Variants in MARF1 observed in about 807,000 individuals in gnomAD.
The protein encoded by MARF1 is meiosis regulator and mRNA stability factor 1, also known as limkain-b1.
MARF1 carries 24 observed loss-of-function variants against 168.2 expected under a neutral mutation model. That is an observed-to-expected ratio of 0.14 (90% CI 0.10 to 0.20). The LOEUF (loss-of-function observed/expected upper bound fraction) is 0.20, where lower values mean the gene tolerates loss of function less well. Ranked by LOEUF, MARF1 falls within the 10% of genes least tolerant of loss-of-function variation. The pLI is 1.00. For synonymous variants in MARF1, 868 were observed against 822.4 expected (o/e 1.06, Z -0.95); for missense variants, 1,744 against 2,143.6 (o/e 0.81, Z 3.68).
intron 1 of MARF1, among the ~76,000 whole-genome samples, chr16:15,642,278 C>G (rs560302433): frequency 5.9e-5 from 9 of 152,158 alleles, no homozygotes; most frequent in Non-Finnish European, 1.3e-4. Flanking sequence ...TCTTTCTCCC[C>G]CATTAGGCTA....
In MARF1 at chr16:15,630,275, T is replaced by C. The variant is rs897194238; in HGVS notation, c.1524+57A>G. 3.3e-6 allele frequency: 5 copies of C among 1,523,198 alleles called. No homozygotes were observed. In the African/African-American group the frequency reaches 6.9e-5, roughly 21 times the overall value. 94.4% of individuals were successfully genotyped at this position (1,523,198 alleles called of 1,614,324 possible). ...GGCAACCCCCTTATTATGGGCTGTC[T>C]TTCAGCCTCCACAATGTAATATTGG... On this transcript the variant is annotated intron_variant, in intron 7 of 26. Coordinates refer to ENST00000396368, the MANE Select transcript of MARF1 (RefSeq NM_014647.4).
Position 15,630,517 on chromosome 16 carries a change from G to A in MARF1, c.1352-13C>T, listed in dbSNP as rs2035176248. 6.2e-7 allele frequency: 1 copy of A among 1,609,144 alleles called. No homozygotes were observed. Among genetic ancestry groups the A allele is most frequent in the African/African-American group, 1.3e-5 (1 of 74,754 alleles). ...AAATTGACATCAGCTGAAAGAAAAG[G>A]TACAGACCAACCCCATCCCCAAACA... On this transcript the variant is annotated splice_polypyrimidine_tract_variant and intron_variant, in intron 6 of 26. Coordinates refer to ENST00000396368, the MANE Select transcript of MARF1 (RefSeq NM_014647.4).
rs766319354 is a variant in MARF1 at position 15,596,794 on chromosome 16, G to C, written c.5128C>G (p.Leu1710Val). 2 of 1,614,116 alleles carry C rather than the reference G, an allele frequency of 1.2e-6. No homozygotes were observed. The highest frequency in any genetic ancestry group is 1.7e-6 in the Non-Finnish European group (2 of 1,179,960). ...CTTTCCACGGGGTCCTTGCTGAGCAGTGACTCGGAGGTTTCCGAGGAGGGG... is the reference window on the plus strand; with the variant it reads ...CTTTCCACGGGGTCCTTGCTGAGCACTGACTCGGAGGTTTCCGAGGAGGGG... ...PCPSSETSES[L>V]LSKDPVESPA... The change falls in exon 27 of 27, where the codon CTG becomes GTG. Residue 1710 changes from leucine (L) to valine (V), a missense_variant. Around this residue, in one of 7 missense-constraint regions of MARF1, gnomAD observed 313 missense variants for 337.4 expected, o/e 0.93. Coordinates refer to ENST00000396368, the MANE Select transcript of MARF1 (RefSeq NM_014647.4).
intron 12 of MARF1, chr16:15,621,444 T>G (rs754132552): frequency 8.9e-5 from 35 of 393,434 alleles, no homozygotes; most frequent in Non-Finnish European, 2.3e-5. Context: ...TTTTCAGGCT[T>G]ATAAACTTTT....
chr16:15,631,511 A>G lies in MARF1; in HGVS notation c.1234-13T>C. 1.3e-6 allele frequency: 2 copies of G among 1,570,954 alleles called. No homozygotes were observed. Among genetic ancestry groups the G allele is most frequent in the East Asian group, 2.3e-5 (1 of 44,364 alleles). On this transcript the variant is annotated splice_polypyrimidine_tract_variant and intron_variant, in intron 5 of 26. Coordinates refer to ENST00000396368, the MANE Select transcript of MARF1 (RefSeq NM_014647.4). ...GGGCAACGGTTACCTGCATTAATTT[A>G]TAATAAGGGTGAATAAGCAGGAGCT...
chr16:15,624,895 C>G lies in MARF1; in HGVS notation c.2144G>C (p.Ser715Thr). ...KENLSARSVT[S>T]SPVEKKDKEE... ...TTTATCTTTTTTCTCTACAGGAGAACTGGTAACACTTCGGGCACTGAGGTT... is the reference window on the plus strand; with the variant it reads ...TTTATCTTTTTTCTCTACAGGAGAAGTGGTAACACTTCGGGCACTGAGGTT... The change falls in exon 10 of 27, where the codon AGT becomes ACT. Residue 715 changes from serine to threonine, a missense_variant. This residue lies in a region of MARF1 where 270 missense variants were observed against 260.6 expected (regional missense o/e 1.04). Transcript: ENST00000396368. 5.0e-6 allele frequency: 8 copies of G among 1,614,168 alleles called. No homozygotes were observed. Among genetic ancestry groups the G allele is most frequent in the Non-Finnish European group, 6.8e-6 (8 of 1,180,024 alleles).
At chr16:15,614,656 G>C (rs1596465886) in intron 16 of MARF1, among the ~76,000 whole-genome samples, 3 of 151,712 alleles carry the variant, frequency 2.0e-5, no homozygotes, top group Non-Finnish European at 4.4e-5. Flanking sequence ...AGCCGGGCGT[G>C]GTGGCGGGCG....
chr16:15,616,099 T>C (rs905562793), intron 15 of MARF1, 94 bp from the exon 16 acceptor site: 4 of 1,059,402 alleles, frequency 3.8e-6, no homozygotes, highest in Non-Finnish European at 5.1e-6. Context: ...GTTTAATGTA[T>C]GTGTTAATCA....
At chr16:15,623,846 G>GCAC (rs1206520124) in intron 10 of MARF1, among the ~76,000 whole-genome samples, 1 of 151,476 alleles carries the variant, frequency 6.6e-6, no homozygotes, top group Non-Finnish European at 1.5e-5. Context: ...AGTTCTTTCT[G>GCAC]CACATAAGGA....
In MARF1 at chr16:15,633,855, T is replaced by A; in HGVS notation, c.1007-12A>T. The A allele has an allele frequency of 6.3e-7, 1 of 1,583,484 alleles. No individual in the cohort carries two copies. The highest frequency in any genetic ancestry group is 8.6e-7 in the Non-Finnish European group (1 of 1,160,318). On this transcript the variant is annotated splice_polypyrimidine_tract_variant and intron_variant, in intron 4 of 26. Coordinates refer to ENST00000396368, the MANE Select transcript of MARF1 (RefSeq NM_014647.4). ...AACTTCTGGTGACCCTTAAGAAATG[T>A]TAACATTTTCAATTACTTGTAGTGG...
intron 16 of MARF1, among the ~76,000 whole-genome samples, chr16:15,614,007 T>C (rs1257510233): frequency 1.3e-5 from 2 of 152,152 alleles, no homozygotes; most frequent in African/African-American, 2.4e-5. Context: ...GCCTTGGATA[T>C]CTGCAACTCA....
intron 20 of MARF1, 44 bp downstream of exon 20, chr16:15,609,479 T>C (rs751351223): frequency 6.6e-7 from 1 of 1,510,928 alleles, no homozygotes; most frequent in Non-Finnish European, 9.2e-7. Flanking sequence ...TTCCTATACG[T>C]TGTTCAGAAA....
At position 15,633,175 on chromosome 16, in the gene MARF1, C is replaced by CCACACACACA. The variant is rs140240605; in HGVS notation, c.1233+432_1233+441dup. Among the ~76,000 whole-genome samples the CCACACACACA allele has an allele frequency of 2.3e-3, 317 of 136,950 alleles. 3 individuals are homozygous for CCACACACACA. The highest frequency in any genetic ancestry group is 7.6e-3 in the South Asian group (32 of 4,200). 89.8% of individuals were successfully genotyped at this position (136,950 alleles called of 152,430 possible). ...CAGAATTCTAAAAAAAAAAAAAACA[C>CCACACACACA]CACACACACACACACACACACACAC... On this transcript the variant is annotated intron_variant, in intron 5 of 26. Transcript: ENST00000396368.
rs1233491618 is a variant in MARF1, at chr16:15,635,945, A to C, written c.542T>G (p.Leu181Arg). 6.2e-7 allele frequency: 1 copy of C among 1,614,168 alleles called. No individual in the cohort carries two copies. The highest frequency in any genetic ancestry group is 1.7e-5 in the Admixed American group (1 of 60,032). Residue 181 changes from leucine (L) to arginine (R), a missense_variant, in exon 3 of 27, where the codon CTA becomes CGA. Leu to Arg is a moderately radical substitution (Grantham distance 102). Transcript: ENST00000396368. ...TTTGCAGGAAGACAGGTTACTCTCTAGACACATGCTGGGAAAGTCACTTGC... is the reference window on the plus strand; with the variant it reads ...TTTGCAGGAAGACAGGTTACTCTCTCGACACATGCTGGGAAAGTCACTTGC... ...GIASDFPSMC[L>R]ESNLSSCKHL...
At chr16:15,634,701 T>C in intron 4 of MARF1, 56 bp downstream of exon 4, 1 of 1,510,446 alleles carries the variant, frequency 6.6e-7, no homozygotes, top group Non-Finnish European at 9.1e-7. Flanking sequence ...GCAATGTTAG[T>C]ATGAGATATT....
At position 15,595,812 on chromosome 16, in the gene MARF1, G is replaced by A. The variant is rs766307942; in HGVS notation, c.*881C>T. On this transcript the variant is annotated 3_prime_UTR_variant, in exon 27 of 27. Coordinates refer to ENST00000396368, the MANE Select transcript of MARF1 (RefSeq NM_014647.4). ...CTGAAGCACCTCCCCACTCAGCTCT[G>A]ATTTGTAATTTATGCACTTGATGCA... 1 of 152,172 alleles carries A rather than the reference G, an allele frequency of 6.6e-6. No homozygotes were observed. 9.4% of individuals were successfully genotyped at this position (152,172 alleles called of 1,614,324 possible).
chr16:15,626,974 AAAAG>A (rs1555528257), intron 7 of MARF1, among the ~76,000 whole-genome samples: 16 of 151,186 alleles, frequency 1.1e-4, no homozygotes, highest in Admixed American at 5.3e-4. Flanking sequence ...AAAAAAAAAA[AAAAG>A]AAAGAAAGAA....
Position 15,601,782 on chromosome 16 carries a change from C to G in MARF1, c.4626+209G>C, listed in dbSNP as rs376037290. 7.1e-5 allele frequency: 43 copies of G among 603,358 alleles called. No homozygotes were observed. In the African/African-American group the frequency reaches 7.8e-4, roughly 11 times the overall value. 37.4% of individuals were successfully genotyped at this position (603,358 alleles called of 1,614,324 possible). A position where few individuals can be genotyped will look rare whatever the true frequency, so the allele number is the denominator to read the frequency against. Reference sequence around the variant, plus strand: ...GAGTTACAGCCTGAAACTTACTCACCTGGCATATAGGGATTTAATAAAGGT... The same window carrying G: ...GAGTTACAGCCTGAAACTTACTCACGTGGCATATAGGGATTTAATAAAGGT... On this transcript the variant is annotated intron_variant, in intron 23 of 26. Coordinates refer to ENST00000396368, the MANE Select transcript of MARF1 (RefSeq NM_014647.4).
At chr16:15,641,360 C>G (rs1199574251) in intron 1 of MARF1, among the ~76,000 whole-genome samples, 1 of 152,106 alleles carries the variant, frequency 6.6e-6, no homozygotes, top group African/African-American at 2.4e-5. Context: ...CTTGTCTTTC[C>G]TATTAGATAC....
Sources: allele counts gnomAD v4.1 joint callset (sites outside exome capture counted in the v4.1 genomes callset), GRCh38; gene constraint gnomAD v4.1.1; regional missense constraint gnomAD v4.1.1; transcripts MANE v1.5; gene names NCBI Gene and HGNC (gene_info 2026-07-23, HGNC 2026-07-21).